Variants in MAP3K13 observed in about 807,000 individuals in gnomAD.
The protein encoded by MAP3K13 is mitogen-activated protein kinase kinase kinase 13.
MAP3K13 carries 52 observed loss-of-function variants against 104.0 expected under a neutral mutation model. That is an observed-to-expected ratio of 0.50 (90% CI 0.40 to 0.63). The LOEUF (loss-of-function observed/expected upper bound fraction) is 0.63. MAP3K13 is among the 20% of genes least tolerant of loss of function. MAP3K13 has a pLI of 0.00. For missense variants in MAP3K13, 914 were observed against 1,218.5 expected (o/e 0.75, Z 3.72); for synonymous variants, 394 against 442.2 (o/e 0.89, Z 1.37).
chr3:185,286,886 T>C (rs1720533243), intron 2 of MAP3K13, among the ~76,000 whole-genome samples: 1 of 152,104 alleles, frequency 6.6e-6, no homozygotes, highest in African/African-American at 2.4e-5. Flanking sequence ...TGAGCATGTT[T>C]GTATTTTCAT....
intron 1 of MAP3K13, among the ~76,000 whole-genome samples, chr3:185,426,368 C>G (rs1374423235): frequency 6.6e-6 from 1 of 152,194 alleles, no homozygotes; most frequent in African/African-American, 2.4e-5. Context: ...GCGTGAGCTA[C>G]CACGCCAGCC....
chr3:185,463,456 C>A (rs1647557206), intron 7 of MAP3K13, 94 bp from the exon 8 acceptor site: 6 of 681,914 alleles, frequency 8.8e-6, no homozygotes, highest in Non-Finnish European at 1.6e-5. Context: ...TCAGTAGAAG[C>A]ATGCAGGGAA....
intron 3 of MAP3K13, among the ~76,000 whole-genome samples, chr3:185,441,807 T>A (rs1353881316): frequency 6.6e-6 from 1 of 152,092 alleles, no homozygotes; most frequent in Non-Finnish European, 1.5e-5. Flanking sequence ...TTTGGGAGGC[T>A]GAGGCAGGCA....
At position 185,443,603 on chromosome 3, in the gene MAP3K13, A is replaced by G. The variant is rs1310043084; in HGVS notation, c.818A>G (p.His273Arg). The G allele has an allele frequency of 5.6e-6, 9 of 1,614,024 alleles. No individual in the cohort carries two copies. Among genetic ancestry groups the G allele is most frequent in the Non-Finnish European group, 7.6e-6 (9 of 1,179,988 alleles). The change falls in exon 4 of 14, where the codon CAT becomes CGT. Residue 273 changes from histidine to arginine, a missense_variant. Coordinates refer to ENST00000265026, the MANE Select transcript of MAP3K13 (RefSeq NM_004721.5). Reference sequence around the variant, plus strand: ...AGTGGAATGAATTATTTGCACCTCCATAAAATTATTCATCGTGATCTCAAA... The same window carrying G: ...AGTGGAATGAATTATTTGCACCTCCGTAAAATTATTCATCGTGATCTCAAA... ...IASGMNYLHLHKIIHRDLKSP... is the reference protein window; with the variant it reads ...IASGMNYLHLRKIIHRDLKSP...
In MAP3K13 at chr3:185,384,481, C is replaced by A. The variant is rs1711564711; in HGVS notation, c.-86+21113C>A. On this transcript the variant is annotated intron_variant, in intron 1 of 13. Transcript: ENST00000265026. ...ATTTCCTTTCCTTTGGATAAATACC[C>A]CATAGTGAGATTGCTGGATCATATG... 2.0e-5 allele frequency among the ~76,000 whole-genome samples: 3 copies of A among 152,072 alleles called. No individual in the cohort carries two copies. In the South Asian group the frequency reaches 6.2e-4, roughly 32 times the overall value.
At chr3:185,336,065 C>A (rs760025219) in intron 2 of MAP3K13, among the ~76,000 whole-genome samples, 7 of 151,948 alleles carry the variant, frequency 4.6e-5, no homozygotes, top group Non-Finnish European at 1.0e-4. Context: ...CCTGCTGTTG[C>A]TGCCCATGAA....
At chr3:185,357,447 T>TAAAAAAAAAAAA (rs71162295) in intron 2 of MAP3K13, among the ~76,000 whole-genome samples, 6 of 91,382 alleles carry the variant, frequency 6.6e-5, no homozygotes, top group Non-Finnish European at 1.1e-4. Context: ...AAACTCCATC[T>TAAAAAAAAAAAA]AAAAAAAAAA....
chr3:185,345,963 G>A (rs558232462), intron 2 of MAP3K13, among the ~76,000 whole-genome samples: 1 of 151,764 alleles, frequency 6.6e-6, no homozygotes, highest in Admixed American at 6.6e-5. Context: ...TAAATTAGAA[G>A]GGAAAAAATT....
rs551031892 is a variant in MAP3K13 at position 185,419,979 on chromosome 3, T to C, written c.-85-8518T>C. Among the ~76,000 whole-genome samples, 5 of 152,350 alleles carry C rather than the reference T, an allele frequency of 3.3e-5. No individual in the cohort carries two copies. In the East Asian group the frequency reaches 9.6e-4, roughly 29 times the overall value. ...TAATCACAGTTGCATTTATAGGTAC[T>C]GGTATTCAAAAGGTAATTTGTCACC... is the stretch of plus-strand genomic sequence containing the variant. On this transcript the variant is annotated intron_variant, in intron 1 of 13. Transcript: ENST00000265026.
chr3:185,350,726 G>A (rs1344917379), intron 2 of MAP3K13, among the ~76,000 whole-genome samples: 2 of 152,140 alleles, frequency 1.3e-5, no homozygotes, highest in Admixed American at 1.3e-4. Context: ...AACAGATGCT[G>A]GCAAGGTCAC....
intron 2 of MAP3K13, among the ~76,000 whole-genome samples, chr3:185,288,753 A>G (rs1472389903): frequency 6.6e-6 from 1 of 152,170 alleles, no homozygotes; most frequent in Non-Finnish European, 1.5e-5. Context: ...TGAGAAAATT[A>G]AAATGTAGCA....
intron 2 of MAP3K13, among the ~76,000 whole-genome samples, chr3:185,429,736 G>T (rs1577548147): frequency 6.6e-6 from 1 of 152,322 alleles, no homozygotes; most frequent in East Asian, 1.9e-4. Context: ...AAGCCACATG[G>T]TAATGCCCCT....
intron 2 of MAP3K13, among the ~76,000 whole-genome samples, chr3:185,327,529 T>G (rs1357050997): frequency 6.6e-6 from 1 of 152,132 alleles, no homozygotes; most frequent in African/African-American, 2.4e-5. Flanking sequence ...ATCTCCAAAT[T>G]TATTGCCTGG....
At chr3:185,472,921 C>A (rs1717888270) in intron 10 of MAP3K13, 54 bp from the exon 11 acceptor site, 36 of 1,519,322 alleles carry the variant, frequency 2.4e-5, no homozygotes, top group Non-Finnish European at 3.2e-5. Flanking sequence ...TACATTTCCC[C>A]AAACTTGAAT....
At chr3:185,329,975 G>A (rs1577430377) in intron 2 of MAP3K13, among the ~76,000 whole-genome samples, 1 of 134,704 alleles carries the variant, frequency 7.4e-6, no homozygotes, top group Admixed American at 8.4e-5. Flanking sequence ...CGCCTCCCGT[G>A]TTCAAGTGAT....
intron 2 of MAP3K13, among the ~76,000 whole-genome samples, chr3:185,290,777 G>A (rs567769126): frequency 1.5e-4 from 23 of 152,332 alleles, no homozygotes; most frequent in African/African-American, 5.3e-4. Flanking sequence ...CTAGAGCAGT[G>A]CCTGGCACAA....
At chr3:185,427,814 C>T (rs1007621281) in intron 1 of MAP3K13, among the ~76,000 whole-genome samples, 2 of 152,146 alleles carry the variant, frequency 1.3e-5, no homozygotes, top group Admixed American at 6.5e-5. Context: ...CACGGTGGCT[C>T]ACGCCTGTAA....
At chr3:185,290,487 A>G (rs1367370356) in intron 2 of MAP3K13, among the ~76,000 whole-genome samples, 1 of 152,190 alleles carries the variant, frequency 6.6e-6, no homozygotes, top group Non-Finnish European at 1.5e-5. Context: ...ACATGAAGTG[A>G]AAGATTGTGA....
At chr3:185,429,121 C>A in intron 2 of MAP3K13, 65 bp downstream of exon 2, 3 of 1,459,298 alleles carry the variant, frequency 2.1e-6, no homozygotes, top group Non-Finnish European at 2.8e-6. Flanking sequence ...CCACCGTCAC[C>A]ACCATTAGCT....
Sources: allele counts gnomAD v4.1 joint callset (sites outside exome capture counted in the v4.1 genomes callset), GRCh38; gene constraint gnomAD v4.1.1; transcripts MANE v1.5; gene names NCBI Gene and HGNC (gene_info 2026-07-23, HGNC 2026-07-21).